The following SCARA3 variants were observed in gnomAD, a reference collection of about 807,000 sequenced individuals.
The protein encoded by SCARA3 is scavenger receptor class A member 3.
A neutral mutation model predicts 47.0 loss-of-function variants in SCARA3; 39 were observed. That is an observed-to-expected ratio of 0.83 (90% CI 0.64 to 1.08). The LOEUF is 1.08. Ranked by LOEUF, SCARA3 falls within the 50% of genes least tolerant of loss-of-function variation. The pLI, the probability that SCARA3 is intolerant of heterozygous loss-of-function variation, is 0.00. For missense variants in SCARA3, 724 were observed against 792.3 expected (o/e 0.91, Z 1.04); for synonymous variants, 356 against 334.1 (o/e 1.07, Z -0.71).
intron 1 of SCARA3, among the ~76,000 whole-genome samples, chr8:27,641,000 A>G (rs1385486564): frequency 6.6e-6 from 1 of 152,208 alleles, no homozygotes; most frequent in African/African-American, 2.4e-5. Context: ...CCCAGCTTGC[A>G]GTATTTTTAA....
At chr8:27,717,890 TAGTC>T in the SCARA3 span, among the ~76,000 whole-genome samples, 9 of 152,320 alleles carry the variant, frequency 5.9e-5, no homozygotes, top group South Asian at 1.7e-3. Context: ...TTAAGTCAGT[TAGTC>T]TGTCTGACTG....
At chr8:27,713,959 C>T in the SCARA3 span, among the ~76,000 whole-genome samples, 1 of 152,066 alleles carries the variant, frequency 6.6e-6, no homozygotes, top group Non-Finnish European at 1.5e-5. Flanking sequence ...CCATTGCGAG[C>T]TCTTGTGAGA....
intron 1 of SCARA3, among the ~76,000 whole-genome samples, chr8:27,645,272 A>C (rs1801469234): frequency 6.6e-6 from 1 of 152,256 alleles, no homozygotes; most frequent in Non-Finnish European, 1.5e-5. Flanking sequence ...CCTGATTAAA[A>C]TAGCAGAGGA....
chr8:27,717,845 C>T, the SCARA3 span, among the ~76,000 whole-genome samples: 1 of 152,074 alleles, frequency 6.6e-6, no homozygotes, highest in Non-Finnish European at 1.5e-5. Flanking sequence ...TGGCTCTTAC[C>T]ATGCCCCTCC....
the SCARA3 span, among the ~76,000 whole-genome samples, chr8:27,720,083 G>A: frequency 4.6e-5 from 7 of 152,120 alleles, no homozygotes; most frequent in South Asian, 2.1e-4. Flanking sequence ...GAGGGATGAG[G>A]GCTTTTCCCC....
the SCARA3 span, among the ~76,000 whole-genome samples, chr8:27,696,570 C>T: frequency 1.1e-4 from 17 of 151,822 alleles, no homozygotes; most frequent in Non-Finnish European, 2.9e-5. Flanking sequence ...TTGCCTCTGC[C>T]TCCTAAGTAG....
the SCARA3 span, among the ~76,000 whole-genome samples, chr8:27,691,598 T>A: frequency 6.6e-6 from 1 of 152,148 alleles, no homozygotes; most frequent in Non-Finnish European, 1.5e-5. Context: ...TAATCCTACC[T>A]CTGGCAATTC....
At chr8:27,654,901 A>G (rs1010993121) in intron 3 of SCARA3, among the ~76,000 whole-genome samples, 1 of 152,230 alleles carries the variant, frequency 6.6e-6, no homozygotes, top group African/African-American at 2.4e-5. Context: ...AATGAAGCAT[A>G]GGAATAGGAA....
Position 27,671,222 on chromosome 8 carries a change from G to T in SCARA3, c.1692G>T (p.Pro564=). ...GGCCCTCAGGGCCTCAGGGAAAACC[G>T]GGAATTGCAGGGAAGACAGGGTCAC... The part of the protein sequence containing the change: ...SPGPSGPQGK[P]GIAGKTGSPG... The change falls in exon 6 of 6, where the codon CCG becomes CCT. Residue 564 remains proline, a synonymous_variant. Transcript: ENST00000301904. 6.6e-7 allele frequency: 1 copy of T among 1,504,928 alleles called. No homozygotes were observed. The highest frequency in any genetic ancestry group is 8.8e-7 in the Non-Finnish European group (1 of 1,131,804). The allele number at this position is 1,504,928 out of a possible 1,614,324, so 93.2% of individuals were successfully genotyped here.
At chr8:27,721,916 T>C in the SCARA3 span, among the ~76,000 whole-genome samples, 1 of 151,938 alleles carries the variant, frequency 6.6e-6, no homozygotes, top group Admixed American at 6.6e-5. Context: ...ATGCCGTCGC[T>C]ACAAAAAAGA....
chr8:27,671,891 G>A lies in SCARA3; in HGVS notation c.*540G>A, dbSNP rs1223338499. 1 of 985,344 alleles carries A rather than the reference G, an allele frequency of 1.0e-6. No individual in the cohort carries two copies. The highest frequency in any genetic ancestry group is 1.2e-6 in the Non-Finnish European group (1 of 829,960). 61.0% of individuals were successfully genotyped at this position (985,344 alleles called of 1,614,324 possible). ...TTTCCCTGGCTGGGCAGGAGGAGAG[G>A]GCAGAGGAAGACCCCCTCTCCTGTG... On this transcript the variant is annotated 3_prime_UTR_variant, in exon 6 of 6. Coordinates refer to ENST00000301904, the MANE Select transcript of SCARA3 (RefSeq NM_016240.3).
At chr8:27,719,462 T>A in the SCARA3 span, among the ~76,000 whole-genome samples, 4 of 151,750 alleles carry the variant, frequency 2.6e-5, no homozygotes, top group South Asian at 6.2e-4. Context: ...TAAAATAATC[T>A]GTACAACAAA....
the SCARA3 span, among the ~76,000 whole-genome samples, chr8:27,685,402 A>G: frequency 6.6e-6 from 1 of 152,190 alleles, no homozygotes; most frequent in Admixed American, 6.5e-5. Flanking sequence ...CTCCAATCCA[A>G]CACAAACTCT....
At position 27,671,001 on chromosome 8, in the gene SCARA3, C is replaced by T. The variant is rs1457740630; in HGVS notation, c.1471C>T (p.Pro491Ser). Residue 491 changes from proline (P) to serine (S), a missense_variant, in exon 6 of 6, where the codon CCC (proline) becomes TCC (serine). Pro to Ser is a moderately conservative substitution (Grantham distance 74). Transcript: ENST00000301904. ...GAAAGGAGACCCCGGCAGCTTGGGC[C>T]CCCTGGGACCCCAGGGTCCTCAGGG... ...GPKGDPGSLG[P>S]LGPQGPQGQP... The T allele has an allele frequency of 2.5e-6, 4 of 1,608,922 alleles. No individual in the cohort carries two copies. Among genetic ancestry groups the T allele is most frequent in the South Asian group, 1.1e-5 (1 of 90,512 alleles).
intron 1 of SCARA3, among the ~76,000 whole-genome samples, chr8:27,644,494 AGAG>A (rs1402972913): frequency 6.6e-6 from 1 of 152,142 alleles, no homozygotes; most frequent in Non-Finnish European, 1.5e-5. Flanking sequence ...TTGTTCCCAG[AGAG>A]GAGTTTTCCC....
Position 27,671,592 on chromosome 8 carries a change from G to T in SCARA3, c.*241G>T, listed in dbSNP as rs185777241. 5 of 1,240,284 alleles carry T rather than the reference G, an allele frequency of 4.0e-6. No individual in the cohort carries two copies. Among genetic ancestry groups the T allele is most frequent in the Non-Finnish European group, 5.0e-6 (5 of 995,136 alleles). 76.8% of individuals were successfully genotyped at this position (1,240,284 alleles called of 1,614,324 possible). A position where few individuals can be genotyped will look rare whatever the true frequency, so the allele number is the denominator to read the frequency against. ...CATGCACACACATGCACACATACAC[G>T]CACATGCACACATACACATGCATGC... On this transcript the variant is annotated 3_prime_UTR_variant, in exon 6 of 6. Coordinates refer to ENST00000301904, the MANE Select transcript of SCARA3 (RefSeq NM_016240.3).
intron 5 of SCARA3, 55 bp from the exon 6 acceptor site, chr8:27,670,845 C>A: frequency 6.9e-7 from 1 of 1,449,548 alleles, no homozygotes; most frequent in Non-Finnish European, 9.3e-7. Context: ...ATGGGCGAGC[C>A]TCGGGTGGGG....
chr8:27,697,396 T>A, the SCARA3 span: 2 of 53,918 alleles, frequency 3.7e-5, no homozygotes, highest in East Asian at 2.4e-3. Context: ...GCCTGAGGCA[T>A]CAACTACTGA....
intron 5 of SCARA3, among the ~76,000 whole-genome samples, chr8:27,662,384 C>G (rs988208487): frequency 3.9e-5 from 6 of 152,198 alleles, no homozygotes; most frequent in Non-Finnish European, 8.8e-5. Flanking sequence ...TTTTATCAAG[C>G]CAGCTGCCTC....
Sources: allele counts gnomAD v4.1 joint callset (sites outside exome capture counted in the v4.1 genomes callset), GRCh38; gene constraint gnomAD v4.1.1; transcripts MANE v1.5; gene names NCBI Gene and HGNC (gene_info 2026-07-23, HGNC 2026-07-21).